The following TENM1 variants were observed in gnomAD, a reference collection of about 807,000 sequenced individuals.
The protein encoded by TENM1 is teneurin transmembrane protein 1.
TENM1 carries 35 observed loss-of-function variants against 174.8 expected under a neutral mutation model. The observed-to-expected ratio is 0.20, with a 90% CI of 0.15 to 0.27. TENM1 has a LOEUF of 0.27. Among genes scored for constraint, TENM1 ranks in the 10% least tolerant of loss-of-function variants. The pLI, the probability that TENM1 is intolerant of heterozygous loss-of-function variation, is 1.00. For missense variants in TENM1, 1,633 were observed against 2,130.1 expected (o/e 0.77, Z 4.59); for synonymous variants, 781 against 798.7 (o/e 0.98, Z 0.37).
the TENM1 span, among the ~76,000 whole-genome samples, chrX:124,990,549 G>T: frequency 8.9e-6 from 1 of 112,620 alleles, no homozygotes; most frequent in Non-Finnish European, 1.9e-5. Flanking sequence ...TGCCCATATG[G>T]TGTCACTTCT....
intron 1 of TENM1, among the ~76,000 whole-genome samples, chrX:124,933,026 T>C (rs2058195065): frequency 8.9e-6 from 1 of 112,160 alleles, no homozygotes; most frequent in East Asian, 2.8e-4. Context: ...CTTGGTGAGT[T>C]CATATTCAAA....
rs148711051 is a variant in TENM1 at position 124,469,008 on chromosome X, C to A, written c.3949+12724G>T. ...TTTTATACTACAGTTAATATCATAG[C>A]ACATGTCTTATGCATGTGTGTACTT... On this transcript the variant is annotated intron_variant, in intron 22 of 31. Transcript: ENST00000422452. Among the ~76,000 whole-genome samples, 481 of 111,669 alleles carry A rather than the reference C, an allele frequency of 4.3e-3. 2 individuals carry two copies. The highest frequency in any genetic ancestry group is 0.015 in the African/African-American group (449 of 30,749).
chrX:125,001,870 C>T, the TENM1 span, among the ~76,000 whole-genome samples: 2 of 104,508 alleles, frequency 1.9e-5, no homozygotes, highest in East Asian at 6.1e-4. Flanking sequence ...CACACACACA[C>T]ACACACACAC....
intron 11 of TENM1, among the ~76,000 whole-genome samples, chrX:124,600,911 T>C (rs1359339905): frequency 2.7e-5 from 3 of 111,922 alleles, no homozygotes; most frequent in Admixed American, 9.5e-5. Context: ...GAAATATGAA[T>C]AGAATCTAAG....
intron 22 of TENM1, among the ~76,000 whole-genome samples, chrX:124,473,453 CAA>C (rs1248078985): frequency 5.4e-5 from 6 of 111,377 alleles, no homozygotes; most frequent in Non-Finnish European, 1.1e-4. Flanking sequence ...GATAGGGAAG[CAA>C]AGTTATTTTG....
At chrX:124,501,897 T>C (rs779552449) in intron 19 of TENM1, among the ~76,000 whole-genome samples, 1 of 111,828 alleles carries the variant, frequency 8.9e-6, no homozygotes, top group South Asian at 3.8e-4. Flanking sequence ...TCCCGGCAAG[T>C]GTGATGAGTT....
At chrX:124,505,068 T>C (rs2047416680) in intron 18 of TENM1, among the ~76,000 whole-genome samples, 2 of 112,284 alleles carry the variant, frequency 1.8e-5, no homozygotes, top group Non-Finnish European at 3.8e-5. Context: ...ATCAGGGCCA[T>C]CTTCATGGAT....
chrX:124,664,674 TGTG>T (rs778191497), intron 6 of TENM1, among the ~76,000 whole-genome samples: 2 of 87,213 alleles, frequency 2.3e-5, no homozygotes, highest in Non-Finnish European at 4.4e-5. Context: ...CAAGAGTACT[TGTG>T]GGGTGTGTGT....
the TENM1 span, among the ~76,000 whole-genome samples, chrX:125,015,148 A>G: frequency 3.6e-5 from 4 of 111,843 alleles, no homozygotes; most frequent in African/African-American, 1.3e-4. Flanking sequence ...GCAGGCTGTC[A>G]GCAGATTGGG....
intron 4 of TENM1, among the ~76,000 whole-genome samples, chrX:124,731,131 T>C (rs1040851781): frequency 9.0e-6 from 1 of 111,252 alleles, no homozygotes; most frequent in Non-Finnish European, 1.9e-5. Context: ...AGAAGAATTA[T>C]ACCCCAAATG....
At chrX:124,599,110 G>A (rs1311671211) in intron 11 of TENM1, among the ~76,000 whole-genome samples, 2 of 111,342 alleles carry the variant, frequency 1.8e-5, no homozygotes, top group Non-Finnish European at 3.8e-5. Flanking sequence ...CATCCACTGG[G>A]AATCTTGAAA....
chrX:125,023,862 C>T, the TENM1 span, among the ~76,000 whole-genome samples: 1 of 110,947 alleles, frequency 9.0e-6, no homozygotes, highest in South Asian at 3.8e-4. Flanking sequence ...CCAGTATCTA[C>T]AAGGAACACA....
intron 3 of TENM1, among the ~76,000 whole-genome samples, chrX:124,883,820 G>A (rs1451680888): frequency 9.0e-6 from 1 of 111,487 alleles, no homozygotes; most frequent in Non-Finnish European, 1.9e-5. Flanking sequence ...TGGGAGGAGT[G>A]CTCAGTTGTC....
intron 17 of TENM1, 102 bp downstream of exon 20, chrX:124,523,262 A>G (rs925157129): frequency 2.2e-6 from 2 of 895,316 alleles, no homozygotes; most frequent in South Asian, 2.5e-5. Flanking sequence ...GCAGCACATT[A>G]TAAGGATGGT....
intron 11 of TENM1, among the ~76,000 whole-genome samples, chrX:124,598,562 A>C (rs972997433): frequency 8.0e-5 from 9 of 112,293 alleles, no homozygotes; most frequent in African/African-American, 2.6e-4. Flanking sequence ...CAGCCATAAA[A>C]AAGAATGATA....
At chrX:124,414,896 C>T (rs901806017) in intron 25 of TENM1, among the ~76,000 whole-genome samples, 1 of 111,926 alleles carries the variant, frequency 8.9e-6, no homozygotes, top group Non-Finnish European at 1.9e-5. Flanking sequence ...TCATGCTCCT[C>T]TCAGAGCAGA....
In TENM1 at chrX:124,651,779, T is replaced by G. The variant is rs898087316; in HGVS notation, c.1579+135A>C. The G allele has an allele frequency of 1.3e-5, 12 of 929,570 alleles. No homozygotes were observed. The Admixed American group carries it at 1.6e-4, about 12-fold the overall frequency. The allele number at this position is 929,570 out of a possible 1,213,427, so 76.6% of individuals were successfully genotyped here. ...ATAACAACAATATAAACTTTTATCATAGTAACCTTTCCTCAATAATGACTT... is the reference window on the plus strand; with the variant it reads ...ATAACAACAATATAAACTTTTATCAGAGTAACCTTTCCTCAATAATGACTT... On this transcript the variant is annotated intron_variant, in intron 8 of 31. Transcript: ENST00000422452.
chrX:125,014,856 A>C, the TENM1 span, among the ~76,000 whole-genome samples: 1 of 111,870 alleles, frequency 8.9e-6, no homozygotes, highest in Non-Finnish European at 1.9e-5. Context: ...AAGCTACAGA[A>C]AATAACACTC....
At chrX:124,986,792 C>T in the TENM1 span, among the ~76,000 whole-genome samples, 2 of 111,152 alleles carry the variant, frequency 1.8e-5, no homozygotes, top group Non-Finnish European at 3.8e-5. Context: ...CAGGTGCAAG[C>T]CACCACATCC....
Sources: allele counts gnomAD v4.1 joint callset (sites outside exome capture counted in the v4.1 genomes callset), GRCh38; gene constraint gnomAD v4.1.1; transcripts MANE v1.5; gene names NCBI Gene and HGNC (gene_info 2026-07-23, HGNC 2026-07-21).